VPREB3: variants seen among roughly 807,000 people sequenced by gnomAD.
VPREB3 encodes the protein V-set pre-B cell surrogate light chain 3, also known as pre-B lymphocyte protein 3.
Under a neutral mutation model 12.9 loss-of-function variants are expected in VPREB3, and 14 were observed. The observed-to-expected ratio is 1.09, with a 90% CI of 0.72 to 1.70. The LOEUF (loss-of-function observed/expected upper bound fraction) is 1.70. Ranked by LOEUF, VPREB3 falls within the 40% of genes most tolerant of loss-of-function variation. VPREB3 has a pLI of 0.00. For synonymous variants in VPREB3, 78 were observed against 70.1 expected (o/e 1.11, Z -0.56); for missense variants, 165 against 159.6 (o/e 1.03, Z -0.18).
Position 23,752,907 on chromosome 22 carries a change from T to C in VPREB3, c.341A>G (p.Tyr114Cys). ...ACTAAAGCCGTAGCCAACAGAGCAGTAGTAATCCGCGTCGTCTTCAGGCTG... is the reference window on the plus strand; with the variant it reads ...ACTAAAGCCGTAGCCAACAGAGCAGCAGTAATCCGCGTCGTCTTCAGGCTG... The part of the protein sequence containing the change: ...PVQPEDDADY[Y>C]CSVGYGFSP The change falls in exon 2 of 2, where the codon TAC becomes TGC. Residue 114 changes from tyrosine to cysteine, a missense_variant. Tyr to Cys is a radical substitution (Grantham distance 194). Coordinates refer to ENST00000248948, the MANE Select transcript of VPREB3 (RefSeq NM_013378.3). 6.2e-7 allele frequency: 1 copy of C among 1,613,914 alleles called. No individual in the cohort carries two copies. The highest frequency in any genetic ancestry group is 1.1e-5 in the South Asian group (1 of 91,064).
Position 23,753,161 on chromosome 22 carries a change from C to G in VPREB3, c.87G>C (p.Leu29=), listed in dbSNP as rs777881305. Residue 29 remains leucine, a synonymous_variant, in exon 2 of 2, where the codon CTG becomes CTC. Transcript: ENST00000248948. ...QTVLAQLDAL[L]VFPGQVAQLS... ...GTTGAGCCACTTGGCCTGGGAAGAC[C>G]AGCAGTGCATCCAGCTGGGCCAGGA... 2.5e-6 allele frequency: 4 copies of G among 1,609,682 alleles called. No individual in the cohort carries two copies. The East Asian group carries it at 9.0e-5, about 36-fold the overall frequency.
Position 23,754,359 on chromosome 22 carries a change from G to A in VPREB3, c.5C>T (p.Ala2Val). Reference protein sequence around the residue: MACRCLSFLLMG... With the variant: MVCRCLSFLLMG... ...CAGAAGGAAGCTGAGGCACCGGCAG[G>A]CCATGGCCAGAGGCAGGGAGGCAGG... The change falls in exon 1 of 2, where the codon GCC (alanine) becomes GTC (valine). Residue 2 changes from alanine (A) to valine (V), a missense_variant. Physicochemically the swap from Ala to Val is moderately conservative, Grantham distance 64. Coordinates refer to ENST00000248948, the MANE Select transcript of VPREB3 (RefSeq NM_013378.3). 1 of 1,609,642 alleles carries A rather than the reference G, an allele frequency of 6.2e-7. No individual in the cohort carries two copies. The highest frequency in any genetic ancestry group is 1.1e-5 in the South Asian group (1 of 89,920).
At chr22:23,754,039 C>T (rs562885951) in intron 1 of VPREB3, among the ~76,000 whole-genome samples, 4 of 152,174 alleles carry the variant, frequency 2.6e-5, no homozygotes, top group East Asian at 3.9e-4. Context: ...CAAAATTAGC[C>T]AGGCGTGGTG....
intron 1 of VPREB3, among the ~76,000 whole-genome samples, chr22:23,753,500 T>C (rs1925424857): frequency 6.6e-6 from 1 of 152,138 alleles, no homozygotes; most frequent in Non-Finnish European, 1.5e-5. Flanking sequence ...ACTAGCAGCC[T>C]CTAGGTCCCT....
In VPREB3 at chr22:23,752,959, C is replaced by T. The variant is rs1341387207; in HGVS notation, c.289G>A (p.Ala97Thr). 1.2e-6 allele frequency: 2 copies of T among 1,614,170 alleles called. No individual in the cohort carries two copies. The highest frequency in any genetic ancestry group is 8.5e-7 in the Non-Finnish European group (1 of 1,180,024). ...FSAAKDEAHN[A>T]CVLTISPVQP... ...ACGGGACTAATGGTGAGGACACAGG[C>T]ATTGTGGGCCTCATCCTTGGCTGCC... Residue 97 changes from alanine (A) to threonine (T), a missense_variant, in exon 2 of 2, where the codon GCC (alanine) becomes ACC (threonine). Physicochemically the swap from Ala to Thr is moderately conservative, Grantham distance 58 (BLOSUM62 0). Coordinates refer to ENST00000248948, the MANE Select transcript of VPREB3 (RefSeq NM_013378.3).
Position 23,753,051 on chromosome 22 carries a change from C to G in VPREB3, c.197G>C (p.Arg66Pro), listed in dbSNP as rs763784749. ...CTCCGAGCGGTAGTAGAGGAGATATCGAGGGGCACTGCCTGCCCGCTGCTG... is the reference window on the plus strand; with the variant it reads ...CTCCGAGCGGTAGTAGAGGAGATATGGAGGGGCACTGCCTGCCCGCTGCTG... ...WYQQRAGSAP[R>P]YLLYYRSEED... The change falls in exon 2 of 2, where the codon CGA becomes CCA. Residue 66 changes from arginine (R) to proline (P), a missense_variant. Coordinates refer to ENST00000248948, the MANE Select transcript of VPREB3 (RefSeq NM_013378.3). 10 of 1,613,986 alleles carry G rather than the reference C, an allele frequency of 6.2e-6. No individual in the cohort carries two copies. Among genetic ancestry groups the G allele is most frequent in the South Asian group, 1.1e-5 (1 of 91,076 alleles).
chr22:23,754,160 C>T (rs1174596958), intron 1 of VPREB3, among the ~76,000 whole-genome samples, 155 bp downstream of exon 1: 2 of 150,100 alleles, frequency 1.3e-5, no homozygotes, highest in African/African-American at 4.9e-5. Context: ...CCAGCCTGGG[C>T]AACAAGAGCA....
At position 23,752,787 on chromosome 22, in the gene VPREB3, A is replaced by C; in HGVS notation, c.*89T>G. The C allele has an allele frequency of 7.8e-7, 1 of 1,279,914 alleles. No individual in the cohort carries two copies. Among genetic ancestry groups the C allele is most frequent in the Non-Finnish European group, 1.1e-6 (1 of 911,482 alleles). 79.3% of individuals were successfully genotyped at this position (1,279,914 alleles called of 1,614,324 possible). The stretch of plus-strand genomic sequence containing the variant: ...ATTATTAACCCATTTTACAGAGGGG[A>C]AGCAAGGCTCAGAGAAAGTTTAAAA... On this transcript the variant is annotated 3_prime_UTR_variant, in exon 2 of 2. Transcript: ENST00000248948.
chr22:23,754,355 G>A lies in VPREB3; in HGVS notation c.9C>T (p.Cys3=). ...CCATCAGAAGGAAGCTGAGGCACCG[G>A]CAGGCCATGGCCAGAGGCAGGGAGG... MA[C]RCLSFLLMGT... Residue 3 remains cysteine, a synonymous_variant, in exon 1 of 2, where the codon TGC becomes TGT. Coordinates refer to ENST00000248948, the MANE Select transcript of VPREB3 (RefSeq NM_013378.3). 6.2e-7 allele frequency: 1 copy of A among 1,609,416 alleles called. No individual in the cohort carries two copies. The highest frequency in any genetic ancestry group is 8.5e-7 in the Non-Finnish European group (1 of 1,178,068).
Position 23,752,934 on chromosome 22 carries a change from A to G in VPREB3, c.314T>C (p.Val105Ala), listed in dbSNP as rs1925404001. 3 of 1,614,054 alleles carry G rather than the reference A, an allele frequency of 1.9e-6. No individual in the cohort carries two copies. The highest frequency in any genetic ancestry group is 2.5e-6 in the Non-Finnish European group (3 of 1,180,024). The change falls in exon 2 of 2, where the codon GTG (valine) becomes GCG (alanine). Residue 105 changes from valine (V) to alanine (A), a missense_variant. Physicochemically the swap from Val to Ala is moderately conservative, Grantham distance 64. Coordinates refer to ENST00000248948, the MANE Select transcript of VPREB3 (RefSeq NM_013378.3). The part of the protein sequence containing the change: ...HNACVLTISP[V>A]QPEDDADYYC... ...GTAATCCGCGTCGTCTTCAGGCTGC[A>G]CGGGACTAATGGTGAGGACACAGGC... is the stretch of plus-strand genomic sequence containing the variant.
chr22:23,752,903 G>A lies in VPREB3; in HGVS notation c.345C>T (p.Cys115=), dbSNP rs1394048182. The change falls in exon 2 of 2, where the codon TGC becomes TGT. Residue 115 remains cysteine, a synonymous_variant. Transcript: ENST00000248948. Reference sequence around the variant, plus strand: ...AGGGACTAAAGCCGTAGCCAACAGAGCAGTAGTAATCCGCGTCGTCTTCAG... The same window carrying A: ...AGGGACTAAAGCCGTAGCCAACAGAACAGTAGTAATCCGCGTCGTCTTCAG... ...VQPEDDADYY[C]SVGYGFSP 1.2e-6 allele frequency: 2 copies of A among 1,613,890 alleles called. No homozygotes were observed. The highest frequency in any genetic ancestry group is 1.7e-6 in the Non-Finnish European group (2 of 1,179,932).
intron 1 of VPREB3, among the ~76,000 whole-genome samples, chr22:23,754,045 T>G (rs1925439371): frequency 6.6e-6 from 1 of 151,910 alleles, no homozygotes; most frequent in African/African-American, 2.4e-5. Context: ...TAGCCAGGCG[T>G]GGTGGCGCAT....
chr22:23,753,213 C>A lies in VPREB3; in HGVS notation c.50-15G>T, dbSNP rs1422768626. 1 of 1,562,602 alleles carries A rather than the reference C, an allele frequency of 6.4e-7. No homozygotes were observed. Among genetic ancestry groups the A allele is most frequent in the East Asian group, 2.4e-5 (1 of 42,044 alleles). ...TGTCTGGGAAACTGCGAGACACAAACCCACTCAGCCTGAGCCCCTTCCCTC... is the reference window on the plus strand; with the variant it reads ...TGTCTGGGAAACTGCGAGACACAAAACCACTCAGCCTGAGCCCCTTCCCTC... On this transcript the variant is annotated splice_polypyrimidine_tract_variant and intron_variant, in intron 1 of 1. Transcript: ENST00000248948.
At chr22:23,754,250 G>A (rs1056508728) in intron 1 of VPREB3, 65 bp downstream of exon 1, 3 of 1,531,514 alleles carry the variant, frequency 2.0e-6, no homozygotes, top group Non-Finnish European at 1.8e-6. Flanking sequence ...CCTTGCAGGG[G>A]CCTTCTGGGG....
chr22:23,752,937 G>C lies in VPREB3; in HGVS notation c.311C>G (p.Pro104Arg), dbSNP rs1925404146. 2 of 1,614,170 alleles carry C rather than the reference G, an allele frequency of 1.2e-6. No homozygotes were observed. Among genetic ancestry groups the C allele is most frequent in the Admixed American group, 3.3e-5 (2 of 60,030 alleles). ...ATCCGCGTCGTCTTCAGGCTGCACG[G>C]GACTAATGGTGAGGACACAGGCATT... is the stretch of plus-strand genomic sequence containing the variant. ...AHNACVLTIS[P>R]VQPEDDADYY... Residue 104 changes from proline (P) to arginine (R), a missense_variant, in exon 2 of 2, where the codon CCC becomes CGC. Transcript: ENST00000248948.
chr22:23,753,346 T>C (rs919150516), intron 1 of VPREB3, 148 bp from the exon 2 acceptor site: 19 of 851,734 alleles, frequency 2.2e-5, no homozygotes, highest in Non-Finnish European at 3.2e-5. Context: ...GCAGGAGGCC[T>C]GGTTCTGTGT....
chr22:23,753,834 T>C (rs1279755787), intron 1 of VPREB3, among the ~76,000 whole-genome samples: 1 of 152,058 alleles, frequency 6.6e-6, no homozygotes, highest in Admixed American at 6.6e-5. Context: ...CACAGGGAAG[T>C]GATTTGCCCC....
At chr22:23,754,202 C>T (rs947004543) in intron 1 of VPREB3, 113 bp downstream of exon 1, 53 of 1,144,822 alleles carry the variant, frequency 4.6e-5, no homozygotes, top group Non-Finnish European at 6.3e-5. Context: ...AAAAATACCC[C>T]TCCCAGGACC....
In VPREB3 at chr22:23,754,149, T is replaced by C. The variant is rs1196686367; in HGVS notation, c.49+166A>G. Among the ~76,000 whole-genome samples the C allele has an allele frequency of 2.0e-5, 3 of 150,236 alleles. No individual in the cohort carries two copies. The East Asian group carries it at 5.8e-4, about 29-fold the overall frequency. ...GTGAGCCGAGATTGCACCGTTGCAC[T>C]CCAGCCTGGGCAACAAGAGCAAAAC... On this transcript the variant is annotated intron_variant, in intron 1 of 1. Coordinates refer to ENST00000248948, the MANE Select transcript of VPREB3 (RefSeq NM_013378.3).
Sources: allele counts gnomAD v4.1 joint callset (sites outside exome capture counted in the v4.1 genomes callset), GRCh38; gene constraint gnomAD v4.1.1; transcripts MANE v1.5; gene names NCBI Gene and HGNC (gene_info 2026-07-23, HGNC 2026-07-21).